The following UTP14A variants were observed in gnomAD, a reference collection of about 807,000 sequenced individuals.
UTP14A encodes U3 small nucleolar RNA-associated protein 14 homolog A.
UTP14A carries 5 observed loss-of-function variants against 57.2 expected under a neutral mutation model. The observed-to-expected ratio is 0.09, with a 90% CI of 0.05 to 0.18. The LOEUF (loss-of-function observed/expected upper bound fraction) is 0.18, where lower values mean the gene tolerates loss of function less well. UTP14A is among the 10% of genes least tolerant of loss of function. UTP14A has a pLI of 1.00. For missense variants in UTP14A, 430 were observed against 562.1 expected, an observed-to-expected ratio of 0.76 and a Z score of 2.38; for synonymous variants, 169 against 210.9, an observed-to-expected ratio of 0.80 and a Z score of 1.72.
intron 6 of UTP14A, among the ~76,000 whole-genome samples, chrX:129,915,576 A>G (rs1480996423): frequency 9.1e-6 from 1 of 109,823 alleles, no homozygotes; most frequent in Non-Finnish European, 1.9e-5. Context: ...CACCTGTTGG[A>G]TCTAATTTAA....
intron 12 of UTP14A, among the ~76,000 whole-genome samples, chrX:129,925,632 G>C (rs1234952916): frequency 8.9e-6 from 1 of 112,278 alleles, no homozygotes; most frequent in African/African-American, 3.2e-5. Flanking sequence ...CTACAGTCTG[G>C]CCACTTAGAG....
intron 1 of UTP14A, 100 bp from the exon 2 acceptor site, chrX:129,907,263 ATTTC>A (rs1239399579): frequency 3.9e-5 from 24 of 617,099 alleles, no homozygotes; most frequent in East Asian, 3.7e-5. Context: ...AAATAATAAT[ATTTC>A]TTTTTTTAAT....
At position 129,919,251 on chromosome X, in the gene UTP14A, C is replaced by T; in HGVS notation, c.614C>T (p.Thr205Ile). Residue 205 changes from threonine (T) to isoleucine (I), a missense_variant, in exon 7 of 15, where the codon ACC becomes ATC. By Grantham distance (89) the Thr-to-Ile change is moderately conservative (BLOSUM62 -1). Transcript: ENST00000394422. ...NKQPVTDPLLTPVEKASLRAM... is the reference protein window; with the variant it reads ...NKQPVTDPLLIPVEKASLRAM... ...CAGCCAGTGACAGACCCTTTACTGA[C>T]CCCTGTGGAAAAGGCCTCTCTCCGA... 8.3e-7 allele frequency: 1 copy of T among 1,211,771 alleles called. No individual in the cohort carries two copies. Among genetic ancestry groups the T allele is most frequent in the Non-Finnish European group, 1.1e-6 (1 of 895,508 alleles).
At chrX:129,907,248 G>A in intron 1 of UTP14A, 119 bp from the exon 2 acceptor site, 3 of 547,438 alleles carry the variant, frequency 5.5e-6, no homozygotes, top group Non-Finnish European at 8.5e-6. Context: ...ATTAGACATT[G>A]CTTCAAATAA....
At chrX:129,925,761 G>T (rs1186542340) in intron 12 of UTP14A, among the ~76,000 whole-genome samples, 158 bp from the exon 13 acceptor site, 1 of 112,215 alleles carries the variant, frequency 8.9e-6, no homozygotes, top group African/African-American at 3.2e-5. Flanking sequence ...AAGAAAATTT[G>T]AGCATGATTG....
At chrX:129,908,506 T>C (rs1929338881) in intron 3 of UTP14A, 164 bp from the exon 4 acceptor site, 2 of 520,956 alleles carry the variant, frequency 3.8e-6, no homozygotes, top group Admixed American at 5.9e-5. Context: ...GACAACCAAG[T>C]CCAAGTTAGG....
intron 13 of UTP14A, 58 bp from the exon 14 acceptor site, chrX:129,926,182 C>T: frequency 1.7e-6 from 2 of 1,207,401 alleles, no homozygotes; most frequent in Non-Finnish European, 2.2e-6. Flanking sequence ...GTCCTCCCTA[C>T]CCTTTTGACT....
intron 1 of UTP14A, among the ~76,000 whole-genome samples, chrX:129,906,656 C>G (rs1929269436): frequency 9.5e-6 from 1 of 105,318 alleles, no homozygotes; most frequent in Admixed American, 1.0e-4. Flanking sequence ...TGTGCCCCCC[C>G]CACCCCGCCC....
At chrX:129,906,308 G>C in intron 1 of UTP14A, 72 bp downstream of exon 1, 1 of 1,057,697 alleles carries the variant, frequency 9.5e-7, no homozygotes, top group South Asian at 1.9e-5. Context: ...TTGGGAAATG[G>C]GAGCCCCCCC....
In UTP14A at chrX:129,920,444, C is replaced by G. The variant is rs781609164; in HGVS notation, c.753-13C>G. Reference sequence around the variant, plus strand: ...CAGCTAAATTGCTAAACTCTTCCCTCCTACCCCTACAGGTATCACAAAGTC... The same window carrying G: ...CAGCTAAATTGCTAAACTCTTCCCTGCTACCCCTACAGGTATCACAAAGTC... On this transcript the variant is annotated splice_polypyrimidine_tract_variant and intron_variant, in intron 8 of 14. Coordinates refer to ENST00000394422, the MANE Select transcript of UTP14A (RefSeq NM_006649.4). 2 of 1,210,449 alleles carry G rather than the reference C, an allele frequency of 1.7e-6. No individual in the cohort carries two copies. The highest frequency in any genetic ancestry group is 2.2e-6 in the Non-Finnish European group (2 of 895,367).
chrX:129,926,424 C>G (rs1453659052), intron 14 of UTP14A, 85 bp downstream of exon 14: 2 of 831,249 alleles, frequency 2.4e-6, no homozygotes, highest in Non-Finnish European at 1.8e-6. Context: ...GATCTGTAGT[C>G]AAGAGAGACG....
At chrX:129,924,283 CT>C (rs556719731) in intron 11 of UTP14A, among the ~76,000 whole-genome samples, 86 of 82,535 alleles carry the variant, frequency 1.0e-3, no homozygotes, top group Middle Eastern at 7.0e-3. Context: ...TCACATGCTA[CT>C]TTTTTTTTTT....
intron 6 of UTP14A, among the ~76,000 whole-genome samples, chrX:129,917,665 G>A (rs1020699370): frequency 2.7e-5 from 3 of 111,788 alleles, no homozygotes; most frequent in African/African-American, 9.7e-5. Flanking sequence ...TCAGGAAACA[G>A]GCTGATTACA....
intron 6 of UTP14A, 74 bp from the exon 7 acceptor site, chrX:129,919,101 A>T: frequency 8.4e-7 from 1 of 1,193,865 alleles, no homozygotes. Flanking sequence ...TAAGTTAGAG[A>T]ATCATAGGAA....
intron 8 of UTP14A, among the ~76,000 whole-genome samples, chrX:129,920,095 G>A (rs1320576418): frequency 2.7e-5 from 3 of 111,415 alleles, no homozygotes; most frequent in African/African-American, 3.3e-5. Context: ...AGGCTGAGGC[G>A]GGAGGATCGC....
At chrX:129,908,646 TTA>T in intron 3 of UTP14A, 22 bp from the exon 4 acceptor site, 1 of 1,198,946 alleles carries the variant, frequency 8.3e-7, no homozygotes, top group Non-Finnish European at 1.1e-6. Context: ...TTCATTCCTA[TTA>T]TATCGTTTTG....
At position 129,921,429 on chromosome X, in the gene UTP14A, C is replaced by T; in HGVS notation, c.1190C>T (p.Pro397Leu). ...AATQEDPEQL[P>L]ELEAHGVSES... ...ACCCAGGAGGACCCTGAGCAACTGC[C>T]AGAGCTTGAGGCCCATGGAGTTTCT... Residue 397 changes from proline to leucine, a missense_variant, in exon 11 of 15, where the codon CCA (proline) becomes CTA (leucine). By Grantham distance (98) the Pro-to-Leu change is moderately conservative. Around this residue, in one of 4 missense-constraint regions of UTP14A, gnomAD observed 83 missense variants for 140.4 expected, o/e 0.59. Transcript: ENST00000394422. The T allele has an allele frequency of 8.3e-7, 1 of 1,211,779 alleles. No homozygotes were observed. The highest frequency in any genetic ancestry group is 1.1e-6 in the Non-Finnish European group (1 of 895,537).
intron 2 of UTP14A, 112 bp from the exon 3 acceptor site, chrX:129,907,948 G>T (rs1464292986): frequency 7.4e-6 from 5 of 676,071 alleles, no homozygotes; most frequent in Non-Finnish European, 1.1e-5. Context: ...AGAGCGAGAC[G>T]CCGTCTCAAA....
At chrX:129,909,006 G>A (rs1462758815) in intron 4 of UTP14A, among the ~76,000 whole-genome samples, 1 of 111,638 alleles carries the variant, frequency 9.0e-6, no homozygotes, top group Non-Finnish European at 1.9e-5. Flanking sequence ...CTGCCTCTTA[G>A]TAACTTAGTC....
Sources: allele counts gnomAD v4.1 joint callset (sites outside exome capture counted in the v4.1 genomes callset), GRCh38; gene constraint gnomAD v4.1.1; regional missense constraint gnomAD v4.1.1; transcripts MANE v1.5; gene names NCBI Gene and HGNC (gene_info 2026-07-23, HGNC 2026-07-21).